PRMT3: variants seen among roughly 807,000 people sequenced by gnomAD.
PRMT3 encodes protein arginine N-methyltransferase 3.
In PRMT3, 62 loss-of-function variants were observed where a neutral mutation model predicts 71.9. The observed-to-expected ratio is 0.86, with a 90% confidence interval of 0.70 to 1.07. The LOEUF (loss-of-function observed/expected upper bound fraction) is 1.07. PRMT3 is among the 50% of genes least tolerant of loss of function. The probability of loss-of-function intolerance (pLI) is 0.00; values close to 1 mark genes in which losing one functional copy is unlikely to be tolerated. For missense variants in PRMT3, 663 were observed against 643.0 expected (o/e 1.03, Z -0.34); for synonymous variants, 213 against 220.4 (o/e 0.97, Z 0.30).
At chr11:20,501,560 C>T (rs2133702692) in intron 15 of PRMT3, among the ~76,000 whole-genome samples, 1 of 151,964 alleles carries the variant, frequency 6.6e-6, no homozygotes, top group Middle Eastern at 3.4e-3. Flanking sequence ...AGCTTTTGAC[C>T]CAATGTACTA....
Position 20,462,611 on chromosome 11 carries a change from A to G in PRMT3, c.1260+444A>G, listed in dbSNP as rs375394370. On this transcript the variant is annotated intron_variant, in intron 12 of 15. Transcript: ENST00000331079. ...GCGTTTTCAGATTAAGTAATTACAT[A>G]TAGTAAATTTGCCCATGAAACGAAA... 4.6e-5 allele frequency among the ~76,000 whole-genome samples: 7 copies of G among 152,288 alleles called. No homozygotes were observed. The East Asian group carries it at 9.7e-4, about 21-fold the overall frequency.
intron 6 of PRMT3, 28 bp from the exon 7 acceptor site, chr11:20,397,549 T>A (rs1295844982): frequency 6.2e-7 from 1 of 1,612,410 alleles, no homozygotes; most frequent in East Asian, 2.2e-5. Context: ...TAAACCTGTC[T>A]CAAGGGTGTA....
chr11:20,467,229 A>T (rs1360601388), intron 13 of PRMT3, among the ~76,000 whole-genome samples: 1 of 152,210 alleles, frequency 6.6e-6, no homozygotes, highest in Non-Finnish European at 1.5e-5. Context: ...AATTTAGTTA[A>T]TATTATCAGA....
intron 8 of PRMT3, 42 bp from the exon 9 acceptor site, chr11:20,407,852 AATATAGAGACCTTTTTG>A: frequency 2.7e-6 from 4 of 1,460,176 alleles, no homozygotes; most frequent in African/African-American, 1.4e-5. Context: ...AATAGAATTT[AATATAGAGACCTTTTTG>A]ATAACATCTG....
chr11:20,446,164 A>G (rs1271750370), intron 10 of PRMT3, among the ~76,000 whole-genome samples: 1 of 152,090 alleles, frequency 6.6e-6, no homozygotes, highest in Non-Finnish European at 1.5e-5. Flanking sequence ...GTACTTTTCC[A>G]AAGTACTGCA....
chr11:20,441,458 A>G (rs1275062487), intron 10 of PRMT3, among the ~76,000 whole-genome samples: 1 of 151,788 alleles, frequency 6.6e-6, no homozygotes, highest in African/African-American at 2.4e-5. Flanking sequence ...GGCACCCGCC[A>G]CCATGCCCAG....
intron 12 of PRMT3, among the ~76,000 whole-genome samples, chr11:20,462,587 C>A (rs975446090): frequency 6.6e-6 from 1 of 152,120 alleles, no homozygotes; most frequent in South Asian, 2.1e-4. Flanking sequence ...TTTCTTCCAG[C>A]GTTTTCAGAT....
At chr11:20,407,753 C>T (rs1849102417) in intron 8 of PRMT3, 158 bp from the exon 9 acceptor site, 2 of 585,090 alleles carry the variant, frequency 3.4e-6, no homozygotes, top group Non-Finnish European at 2.8e-6. Context: ...CTTTGGGAGG[C>T]CAAAGGATTA....
At chr11:20,451,672 A>T (rs1226724701) in intron 10 of PRMT3, among the ~76,000 whole-genome samples, 1 of 152,084 alleles carries the variant, frequency 6.6e-6, no homozygotes, top group Admixed American at 6.6e-5. Flanking sequence ...GGCTCTACAC[A>T]GTAGATGCCA....
At position 20,499,604 on chromosome 11, in the gene PRMT3, G is replaced by T. The variant is rs137904232; in HGVS notation, c.1486+5350G>T. Among the ~76,000 whole-genome samples, 50 of 152,242 alleles carry T rather than the reference G, an allele frequency of 3.3e-4. 1 individual carries two copies. The East Asian group carries it at 9.4e-3, about 29-fold the overall frequency. On this transcript the variant is annotated intron_variant, in intron 15 of 15. Coordinates refer to ENST00000331079, the MANE Select transcript of PRMT3 (RefSeq NM_005788.4). ...ATTGCATTACTATACTTCAGCCTGG[G>T]TGCAGAGCAAGGTCCTATTTCTAAA... is the stretch of plus-strand genomic sequence containing the variant.
At chr11:20,439,774 T>G (rs891374554) in intron 10 of PRMT3, among the ~76,000 whole-genome samples, 18 of 152,126 alleles carry the variant, frequency 1.2e-4, no homozygotes, top group Admixed American at 3.9e-4. Flanking sequence ...TTATGTGGAG[T>G]TTGAAAAAGC....
In PRMT3 at chr11:20,397,659, G is replaced by T. The variant is rs1295212613; in HGVS notation, c.643G>T (p.Asp215Tyr). 1 of 1,614,182 alleles carries T rather than the reference G, an allele frequency of 6.2e-7. No individual in the cohort carries two copies. The highest frequency in any genetic ancestry group is 1.7e-5 in the Admixed American group (1 of 60,030). Residue 215 changes from aspartate (D) to tyrosine (Y), a missense_variant, in exon 7 of 16, where the codon GAT (aspartate) becomes TAT (tyrosine). By Grantham distance (160) the Asp-to-Tyr change is radical (BLOSUM62 -3). Transcript: ENST00000331079. ...STSVIADLQE[D>Y]EDGVYFSSYG... ...TAGTGTCATTGCGGACCTCCAGGAG[G>T]ATGAGGATGGTGTTTATTTCAGCTC...
intron 10 of PRMT3, among the ~76,000 whole-genome samples, chr11:20,441,582 CAG>C (rs1849903513): frequency 6.6e-6 from 1 of 151,912 alleles, no homozygotes; most frequent in Admixed American, 6.6e-5. Flanking sequence ...GCTGGGATTA[CAG>C]GCTTGAGCCA....
chr11:20,505,832 C>A, intron 15 of PRMT3, among the ~76,000 whole-genome samples: 1 of 148,356 alleles, frequency 6.7e-6, no homozygotes, highest in Non-Finnish European at 1.5e-5. Context: ...ACTTACATAT[C>A]AATTGTGTTT....
chr11:20,494,401 T>C, intron 15 of PRMT3, 147 bp downstream of exon 15: 1 of 703,378 alleles, frequency 1.4e-6, no homozygotes, highest in East Asian at 2.8e-5. Context: ...AACAGTGATC[T>C]CGGCTCACTG....
chr11:20,393,427 A>G (rs1565191693), intron 5 of PRMT3, among the ~76,000 whole-genome samples: 1 of 152,212 alleles, frequency 6.6e-6, no homozygotes, highest in Non-Finnish European at 1.5e-5. Context: ...CTCTGTGATC[A>G]AAAGATTGTC....
chr11:20,491,623 T>G (rs1851208769), intron 13 of PRMT3, among the ~76,000 whole-genome samples: 1 of 152,170 alleles, frequency 6.6e-6, no homozygotes, highest in Non-Finnish European at 1.5e-5. Context: ...AGTCTGAGAC[T>G]TTTACAGATT....
At chr11:20,414,461 A>G (rs1316971771) in intron 9 of PRMT3, among the ~76,000 whole-genome samples, 7 of 152,150 alleles carry the variant, frequency 4.6e-5, no homozygotes, top group Admixed American at 6.6e-5. Context: ...TATTTTTGCT[A>G]TCATACTTTG....
At chr11:20,388,209 C>G in intron 2 of PRMT3, 55 bp downstream of exon 2, 1 of 1,607,184 alleles carries the variant, frequency 6.2e-7, no homozygotes. Context: ...CGCGTGGGGT[C>G]TGTGTGCCCA....
Sources: allele counts gnomAD v4.1 joint callset (sites outside exome capture counted in the v4.1 genomes callset), GRCh38; gene constraint gnomAD v4.1.1; transcripts MANE v1.5; gene names NCBI Gene and HGNC (gene_info 2026-07-23, HGNC 2026-07-21).